SPTLC3: variants seen among roughly 807,000 people sequenced by gnomAD.
SPTLC3 encodes the protein serine palmitoyltransferase 3.
Under a neutral mutation model 59.3 loss-of-function variants are expected in SPTLC3, and 36 were observed. The ratio of observed to expected loss-of-function variants is 0.61; its 90% confidence interval spans 0.47 to 0.80. The LOEUF (loss-of-function observed/expected upper bound fraction) is 0.80, where lower values mean the gene tolerates loss of function less well. SPTLC3 is among the 30% of genes least tolerant of loss of function. The pLI is 0.00. For synonymous variants in SPTLC3, 257 were observed against 240.8 expected (o/e 1.07, Z -0.62); for missense variants, 625 against 685.1 (o/e 0.91, Z 0.98).
intron 9 of SPTLC3, among the ~76,000 whole-genome samples, chr20:13,152,202 C>T (rs935982175): frequency 1.1e-4 from 17 of 152,098 alleles, no homozygotes; most frequent in African/African-American, 4.1e-4. Flanking sequence ...CTTCTCCTTG[C>T]GTATAACATA....
rs2039006205 is a variant in SPTLC3 at position 13,168,093 on chromosome 20, G to A, written c.*3226G>A. 6.6e-6 allele frequency: 1 copy of A among 151,796 alleles called. No homozygotes were observed. Among genetic ancestry groups the A allele is most frequent in the Non-Finnish European group, 1.5e-5 (1 of 67,990 alleles). The allele number at this position is 151,796 out of a possible 1,614,324, so 9.4% of individuals were successfully genotyped here. On this transcript the variant is annotated 3_prime_UTR_variant, in exon 12 of 12. Coordinates refer to ENST00000399002, the MANE Select transcript of SPTLC3 (RefSeq NM_018327.4). ...GAAGAACCATCTGCGATTCATTTGG[G>A]TAAAATTATGCCTTCTTCAGTTTTC... is the stretch of plus-strand genomic sequence containing the variant.
chr20:13,018,870 A>G (rs1049792559), intron 1 of SPTLC3, among the ~76,000 whole-genome samples: 1 of 152,166 alleles, frequency 6.6e-6, no homozygotes, highest in Non-Finnish European at 1.5e-5. Context: ...CAATCTATAA[A>G]TTTACGACAG....
intron 4 of SPTLC3, among the ~76,000 whole-genome samples, chr20:13,075,063 C>A (rs1988592812): frequency 6.6e-6 from 1 of 151,276 alleles, no homozygotes; most frequent in Non-Finnish European, 1.5e-5. Flanking sequence ...AAGAATAATG[C>A]AAGCTTGTTC....
Position 13,042,849 on chromosome 20 carries a change from A to G in SPTLC3, c.118-6096A>G, listed in dbSNP as rs574873098. Among the ~76,000 whole-genome samples the G allele has an allele frequency of 5.3e-5, 8 of 152,344 alleles. No homozygotes were observed. In the South Asian group the frequency reaches 1.7e-3, roughly 32 times the overall value. On this transcript the variant is annotated intron_variant, in intron 1 of 11. Coordinates refer to ENST00000399002, the MANE Select transcript of SPTLC3 (RefSeq NM_018327.4). ...TTTCTTCATTTGTTATATGCCCTTA[A>G]GACAATGTCCAAATACTTTAAAAAG...
chr20:13,164,804 C>G lies in SPTLC3; in HGVS notation c.1596C>G (p.Ser532=). The change falls in exon 12 of 12, where the codon TCC becomes TCG. Residue 532 remains serine (S), a synonymous_variant. Transcript: ENST00000399002. ...EMGDLLQLKY[S]RHKKSARPEL... ...GTGATCTCTTGCAACTGAAATATTC[C>G]CGGCACAAGAAGTCAGCACGTCCTG... is the stretch of plus-strand genomic sequence containing the variant. 6.2e-7 allele frequency: 1 copy of G among 1,613,770 alleles called. No individual in the cohort carries two copies. The highest frequency in any genetic ancestry group is 8.5e-7 in the Non-Finnish European group (1 of 1,179,862).
intron 11 of SPTLC3, among the ~76,000 whole-genome samples, chr20:13,163,668 G>A (rs2038940872): frequency 6.6e-6 from 1 of 151,702 alleles, no homozygotes; most frequent in Non-Finnish European, 1.5e-5. Context: ...TAACAAGTTG[G>A]AGGAAATCTT....
chr20:13,082,722 C>A (rs1409376622), intron 4 of SPTLC3, among the ~76,000 whole-genome samples: 2 of 152,144 alleles, frequency 1.3e-5, no homozygotes, highest in African/African-American at 4.8e-5. Context: ...AATAAATCCT[C>A]CAGATTTATA....
intron 9 of SPTLC3, among the ~76,000 whole-genome samples, chr20:13,141,785 G>C (rs951359982): frequency 6.6e-6 from 1 of 152,188 alleles, no homozygotes; most frequent in Non-Finnish European, 1.5e-5. Context: ...AACAGATGTT[G>C]GTGCTATGCT....
chr20:13,126,690 A>G lies in SPTLC3; in HGVS notation c.1252A>G (p.Ile418Val). ...GCAAATCATCAGATCACTAAAACTT[A>G]TCATGGGACTGGATGGGACCACTCA... is the stretch of plus-strand genomic sequence containing the variant. Reference protein sequence around the residue: ...AEQIIRSLKLIMGLDGTTQGL... With the variant: ...AEQIIRSLKLVMGLDGTTQGL... The change falls in exon 9 of 12, where the codon ATC becomes GTC. Residue 418 changes from isoleucine to valine, a missense_variant. Transcript: ENST00000399002. 6.2e-7 allele frequency: 1 copy of G among 1,614,044 alleles called. No homozygotes were observed.
intron 2 of SPTLC3, among the ~76,000 whole-genome samples, chr20:13,065,369 A>G (rs1324448207): frequency 7.1e-6 from 1 of 140,446 alleles, no homozygotes; most frequent in Non-Finnish European, 1.5e-5. Context: ...TATGCTTTTT[A>G]CCTTATATTC....
intron 6 of SPTLC3, among the ~76,000 whole-genome samples, chr20:13,100,587 A>C (rs185611360): frequency 1.5e-4 from 23 of 152,272 alleles, no homozygotes; most frequent in Admixed American, 3.3e-4. Context: ...ACAACAACAA[A>C]AAAAACACCT....
chr20:13,078,447 C>T (rs973609642), intron 4 of SPTLC3, among the ~76,000 whole-genome samples: 1 of 151,336 alleles, frequency 6.6e-6, no homozygotes, highest in African/African-American at 2.4e-5. Flanking sequence ...AGAACATAAA[C>T]AAGAAATTCC....
intron 1 of SPTLC3, among the ~76,000 whole-genome samples, chr20:13,029,153 G>T (rs910219577): frequency 1.3e-5 from 2 of 152,146 alleles, no homozygotes; most frequent in Non-Finnish European, 2.9e-5. Flanking sequence ...TATGACAGGA[G>T]GGGCTGGCCT....
intron 6 of SPTLC3, among the ~76,000 whole-genome samples, chr20:13,096,808 A>G (rs929176020): frequency 6.6e-6 from 1 of 152,140 alleles, no homozygotes; most frequent in Non-Finnish European, 1.5e-5. Context: ...TACAACATAT[A>G]TAAAATTAAA....
chr20:13,155,704 T>G (rs11906782), intron 10 of SPTLC3, among the ~76,000 whole-genome samples: 5,845 of 152,152 alleles, frequency 0.038, 163 homozygotes, highest in African/African-American at 0.081. Flanking sequence ...TGGGTGCCTG[T>G]AGTCCCAGCT....
intron 4 of SPTLC3, among the ~76,000 whole-genome samples, chr20:13,078,570 C>A (rs904175475): frequency 3.9e-5 from 6 of 152,100 alleles, no homozygotes; most frequent in Non-Finnish European, 8.8e-5. Flanking sequence ...GTTTTACTAT[C>A]ATTTTTAACA....
chr20:13,053,922 C>T (rs537221671), intron 2 of SPTLC3, among the ~76,000 whole-genome samples: 1 of 152,234 alleles, frequency 6.6e-6, no homozygotes, highest in South Asian at 2.1e-4. Flanking sequence ...GATTGATGTA[C>T]CTGAAAGTGA....
intron 9 of SPTLC3, among the ~76,000 whole-genome samples, chr20:13,151,003 A>G (rs6041905): frequency 1.3e-5 from 2 of 152,060 alleles, no homozygotes; most frequent in Non-Finnish European, 2.9e-5. Flanking sequence ...GCAATTTTAC[A>G]TCCATTTGTG....
intron 10 of SPTLC3, among the ~76,000 whole-genome samples, chr20:13,157,074 G>A (rs962739429): frequency 4.6e-5 from 7 of 152,094 alleles, no homozygotes; most frequent in African/African-American, 1.4e-4. Flanking sequence ...AGACCTCAGC[G>A]ATTACCCACG....
Sources: gnomAD v4.1 joint callset for allele counts (sites outside exome capture counted in the v4.1 genomes callset) on GRCh38, gnomAD v4.1.1 for gene constraint, MANE v1.5 for transcripts, NCBI Gene and HGNC (gene_info 2026-07-23, HGNC 2026-07-21) for gene names.